Variants in ILF2 observed in about 807,000 individuals in gnomAD.
ILF2 encodes interleukin enhancer-binding factor 2.
ILF2 carries 9 observed loss-of-function variants against 55.3 expected under a neutral mutation model. The ratio of observed to expected loss-of-function variants is 0.16; its 90% CI spans 0.10 to 0.28. ILF2 has a LOEUF of 0.28. ILF2 is among the 10% of genes least tolerant of loss of function. The pLI, the probability that ILF2 is intolerant of heterozygous loss-of-function variation, is 1.00. For synonymous variants in ILF2, 151 were observed against 161.8 expected (o/e 0.93, Z 0.50); for missense variants, 266 against 474.9 (o/e 0.56, Z 4.09).
intron 12 of ILF2, 45 bp from the exon 13 acceptor site, chr1:153,662,840 C>T: frequency 6.6e-7 from 1 of 1,511,446 alleles, no homozygotes. Flanking sequence ...ATCAAAGGAC[C>T]TTATTTGAGT....
chr1:153,663,983 CTACTACTACTACTAG>C (rs1460564543), intron 10 of ILF2, 45 bp downstream of exon 10: 36 of 852,524 alleles, frequency 4.2e-5, no homozygotes, highest in Non-Finnish European at 6.4e-5. Context: ...ACTACTACTA[CTACTACTACTACTAG>C]TAAATAAGGA....
At chr1:153,665,032 T>C (rs760627310) in intron 8 of ILF2, among the ~76,000 whole-genome samples, 188 bp downstream of exon 8, 8 of 152,230 alleles carry the variant, frequency 5.3e-5, no homozygotes, top group Admixed American at 1.3e-4. Context: ...ATCTGAAAAT[T>C]CCACTAGCAA....
chr1:153,670,956 C>G lies in ILF2; in HGVS notation c.-34G>C, dbSNP rs200078911. 210 of 1,614,122 alleles carry G rather than the reference C, an allele frequency of 1.3e-4. No homozygotes were observed. Among genetic ancestry groups the G allele is most frequent in the Non-Finnish European group, 1.9e-5 (23 of 1,179,954 alleles). On this transcript the variant is annotated 5_prime_UTR_variant, in exon 1 of 14. Transcript: ENST00000361891. ...AAAACACGAACAATGGAGGCCGCAC[C>G]AACCGCCCCTTCCTCTGAGTAGCAG...
intron 12 of ILF2, 27 bp downstream of exon 12, chr1:153,662,989 AAAC>A (rs779682392): frequency 2.7e-5 from 42 of 1,573,898 alleles, no homozygotes; most frequent in Non-Finnish European, 3.0e-5. Context: ...GAGTGGGGCA[AAAC>A]AACTCAGTTC....
rs554433629 is a variant in ILF2 at position 153,662,095 on chromosome 1, T to C, written c.*301A>G. The stretch of plus-strand genomic sequence containing the variant: ...AAAAAAAATTTCCAGACACTTAACA[T>C]TTCACAACATTTCAACAGCAAAGTA... On this transcript the variant is annotated 3_prime_UTR_variant, in exon 14 of 14. Coordinates refer to ENST00000361891, the MANE Select transcript of ILF2 (RefSeq NM_004515.4). 1 of 249,694 alleles carries C rather than the reference T, an allele frequency of 4.0e-6. No individual in the cohort carries two copies. The highest frequency in any genetic ancestry group is 7.7e-6 in the Non-Finnish European group (1 of 130,462). 15.5% of individuals were successfully genotyped at this position (249,694 alleles called of 1,614,324 possible).
At chr1:153,666,480 T>G (rs1207812970) in intron 6 of ILF2, among the ~76,000 whole-genome samples, 1 of 152,154 alleles carries the variant, frequency 6.6e-6, no homozygotes, top group Non-Finnish European at 1.5e-5. Context: ...CTCAGGCTTC[T>G]GAGTAGCTGG....
rs372299590 is a variant in ILF2 at position 153,670,978 on chromosome 1, G to C, written c.-56C>G. On this transcript the variant is annotated 5_prime_UTR_variant, in exon 1 of 14. Coordinates refer to ENST00000361891, the MANE Select transcript of ILF2 (RefSeq NM_004515.4). ...CACCAACCGCCCCTTCCTCTGAGTA[G>C]CAGACAACTGAAGAGGCGTCTTGCC... 1 of 1,611,094 alleles carries C rather than the reference G, an allele frequency of 6.2e-7. No homozygotes were observed. Among genetic ancestry groups the C allele is most frequent in the African/African-American group, 1.3e-5 (1 of 74,858 alleles).
intron 6 of ILF2, among the ~76,000 whole-genome samples, chr1:153,666,413 G>C (rs1364650848): frequency 6.6e-6 from 1 of 152,008 alleles, no homozygotes; most frequent in Non-Finnish European, 1.5e-5. Flanking sequence ...TGAACTCCAG[G>C]CCTTGGCCTC....
At chr1:153,668,674 T>C (rs538505806) in intron 3 of ILF2, 117 bp from the exon 4 acceptor site, 2 of 1,245,856 alleles carry the variant, frequency 1.6e-6, no homozygotes, top group South Asian at 3.2e-5. Context: ...CACTTGTTTT[T>C]ACTGCTTAAT....
chr1:153,670,026 G>T, intron 2 of ILF2, 145 bp downstream of exon 2: 1 of 1,080,660 alleles, frequency 9.3e-7, no homozygotes. Context: ...GCATAGTGGG[G>T]CCAAATTCAT....
chr1:153,665,460 G>T, intron 7 of ILF2, 124 bp from the exon 8 acceptor site: 1 of 778,060 alleles, frequency 1.3e-6, no homozygotes, highest in Non-Finnish European at 2.2e-6. Flanking sequence ...TGAGAATTTA[G>T]AATACAGAGC....
chr1:153,665,516 C>A, intron 7 of ILF2, 147 bp downstream of exon 7: 1 of 801,068 alleles, frequency 1.2e-6, no homozygotes. Flanking sequence ...CCTTGAACAC[C>A]TGAAGCCCCT....
intron 10 of ILF2, 98 bp from the exon 11 acceptor site, chr1:153,663,374 G>T: frequency 1.7e-6 from 2 of 1,155,684 alleles, no homozygotes; most frequent in Non-Finnish European, 1.3e-6. Context: ...TGTCATCCAG[G>T]CTGGAGTGCA....
intron 1 of ILF2, 117 bp from the exon 2 acceptor site, chr1:153,670,347 A>T: frequency 1.1e-6 from 1 of 905,580 alleles, no homozygotes; most frequent in Non-Finnish European, 1.8e-6. Context: ...GACCCCACTC[A>T]CACTTACACT....
In ILF2 at chr1:153,661,870, T is replaced by TTTG. The variant is rs1669177278; in HGVS notation, c.*523_*525dup. 1 of 155,554 alleles carries TTTG rather than the reference T, an allele frequency of 6.4e-6. No individual in the cohort carries two copies. Among genetic ancestry groups the TTTG allele is most frequent in the African/African-American group, 2.4e-5 (1 of 41,440 alleles). 9.6% of individuals were successfully genotyped at this position (155,554 alleles called of 1,614,324 possible). A position where few individuals can be genotyped will look rare whatever the true frequency, so the allele number is the denominator to read the frequency against. On this transcript the variant is annotated 3_prime_UTR_variant, in exon 14 of 14. Transcript: ENST00000361891. The stretch of plus-strand genomic sequence containing the variant: ...CTGGTATATGGAAAGGTTCCAGGAG[T>TTTG]TTGTCCTTTAATTCAAAGACAGCTT...
intron 3 of ILF2, among the ~76,000 whole-genome samples, chr1:153,668,809 A>C (rs995140540): frequency 5.3e-5 from 8 of 151,258 alleles, no homozygotes; most frequent in Non-Finnish European, 8.8e-5. Flanking sequence ...GAGGTGAGAG[A>C]ATCCCTTGAA....
At chr1:153,663,995 CT>C (rs372540759) in intron 10 of ILF2, 47 bp downstream of exon 10, 301,142 of 857,246 alleles carry the variant, frequency 0.35, 59,458 homozygotes, top group East Asian at 0.55. Context: ...ACTACTACTA[CT>C]AGTAAATAAG....
intron 9 of ILF2, 69 bp downstream of exon 9, chr1:153,664,327 T>C: frequency 7.8e-7 from 1 of 1,285,966 alleles, no homozygotes; most frequent in Non-Finnish European, 1.1e-6. Flanking sequence ...AGAGGAAGTA[T>C]GGGGGTATCC....
rs756527982 is a variant in ILF2, at chr1:153,668,517, T to C, written c.149A>G (p.Glu50Gly). ...CAGCAAGGCCTCACTGAAGGAAGTT[T>C]CATCAGGTGCTGGCTTGACCCGGGG... ...AFPRVKPAPD[E>G]TSFSEALLKR... The change falls in exon 4 of 14, where the codon GAA (glutamate) becomes GGA (glycine). Residue 50 changes from glutamate (E) to glycine (G), a missense_variant. By Grantham distance (98) the Glu-to-Gly change is moderately conservative. Transcript: ENST00000361891. 5 of 1,614,152 alleles carry C rather than the reference T, an allele frequency of 3.1e-6. 1 individual carries two copies. The South Asian group carries it at 5.5e-5, about 18-fold the overall frequency.
Sources: allele counts gnomAD v4.1 joint callset (sites outside exome capture counted in the v4.1 genomes callset), GRCh38; gene constraint gnomAD v4.1.1; transcripts MANE v1.5; gene names NCBI Gene and HGNC (gene_info 2026-07-23, HGNC 2026-07-21).